The following SH3RF2 variants were observed in gnomAD, a reference collection of about 807,000 sequenced individuals.
SH3RF2 encodes the protein E3 ubiquitin-protein ligase SH3RF2.
Under a neutral mutation model 59.0 loss-of-function variants are expected in SH3RF2, and 43 were observed. The observed-to-expected ratio is 0.73, with a 90% CI of 0.57 to 0.94. The LOEUF is 0.94. Among genes scored for constraint, SH3RF2 ranks in the 40% least tolerant of loss-of-function variants. SH3RF2 has a pLI of 0.00. For synonymous variants in SH3RF2, 391 were observed against 391.5 expected (o/e 1.00, Z 0.01); for missense variants, 930 against 940.1 (o/e 0.99, Z 0.14).
At chr5:145,941,350 G>T (rs1757809339) in intron 2 of SH3RF2, among the ~76,000 whole-genome samples, 1 of 152,126 alleles carries the variant, frequency 6.6e-6, no homozygotes, top group African/African-American at 2.4e-5. Context: ...TGCCTATTGT[G>T]CCTACATGTC....
chr5:146,049,329 C>A, intron 7 of SH3RF2, 84 bp downstream of exon 7: 1 of 1,457,980 alleles, frequency 6.9e-7, no homozygotes, highest in East Asian at 2.3e-5. Context: ...GTGGAAGACC[C>A]AGTGCTCTTT....
At chr5:145,980,427 A>T (rs1759465943) in intron 2 of SH3RF2, among the ~76,000 whole-genome samples, 2 of 152,150 alleles carry the variant, frequency 1.3e-5, no homozygotes, top group African/African-American at 4.8e-5. Context: ...AGTCCACCCC[A>T]ATCTATCTCA....
chr5:145,962,315 TATCTC>T (rs1388571459), intron 2 of SH3RF2, among the ~76,000 whole-genome samples: 4 of 152,162 alleles, frequency 2.6e-5, no homozygotes, highest in African/African-American at 9.7e-5. Flanking sequence ...GTGCGACAAA[TATCTC>T]AGTAAGAAAA....
intron 4 of SH3RF2, among the ~76,000 whole-genome samples, chr5:146,010,594 C>G (rs1760841772): frequency 6.6e-6 from 1 of 152,162 alleles, no homozygotes; most frequent in African/African-American, 2.4e-5. Context: ...GATGGTATCT[C>G]ATTGTGGTTT....
intron 2 of SH3RF2, among the ~76,000 whole-genome samples, chr5:145,962,835 T>C (rs1038449106): frequency 4.6e-5 from 7 of 151,994 alleles, no homozygotes; most frequent in African/African-American, 1.7e-4. Context: ...ATTTCTTATC[T>C]GTTTCTCCTT....
chr5:146,055,067 T>C (rs1191395430), intron 7 of SH3RF2, among the ~76,000 whole-genome samples: 5 of 152,248 alleles, frequency 3.3e-5, no homozygotes, highest in African/African-American at 1.2e-4. Context: ...GATTGTTGTT[T>C]CATAAAACTT....
At chr5:146,067,999 C>G (rs1286884576), downstream of SH3RF2, among the ~76,000 whole-genome samples, 1 of 152,224 alleles carries the variant, frequency 6.6e-6, no homozygotes, top group Non-Finnish European at 1.5e-5. Flanking sequence ...AAGAGCTCTG[C>G]TAACAAGCCC....
rs1488110742 is a variant in SH3RF2 at position 146,062,887 on chromosome 5, G to A, written c.*186G>A. On this transcript the variant is annotated 3_prime_UTR_variant, in exon 10 of 10. Transcript: ENST00000359120. ...CCCTGGGTGGGAGGATAGATGGCGT[G>A]GCCTTCCAAACATACAAACATAATG... 6.9e-6 allele frequency: 5 copies of A among 728,928 alleles called. No individual in the cohort carries two copies. The Admixed American group carries it at 1.2e-4, about 17-fold the overall frequency. The allele number at this position is 728,928 out of a possible 1,614,324, so 45.2% of individuals were successfully genotyped here.
At chr5:146,039,848 C>T (rs1440617202) in intron 5 of SH3RF2, among the ~76,000 whole-genome samples, 3 of 152,074 alleles carry the variant, frequency 2.0e-5, no homozygotes, top group Admixed American at 6.5e-5. Context: ...TGAAAATTGC[C>T]CAAATGACAC....
intron 2 of SH3RF2, among the ~76,000 whole-genome samples, chr5:145,996,273 G>C (rs1160254956): frequency 1.3e-5 from 2 of 152,168 alleles, no homozygotes; most frequent in African/African-American, 4.8e-5. Context: ...TGAACAGCAA[G>C]ACTGCTACAA....
At chr5:146,029,215 G>A (rs1437989359) in intron 5 of SH3RF2, among the ~76,000 whole-genome samples, 2 of 152,188 alleles carry the variant, frequency 1.3e-5, no homozygotes, top group African/African-American at 4.8e-5. Flanking sequence ...GAGACTCAGA[G>A]AGGCTAAGTA....
At chr5:146,007,151 G>A (rs2149988568) in intron 4 of SH3RF2, among the ~76,000 whole-genome samples, 1 of 152,328 alleles carries the variant, frequency 6.6e-6, no homozygotes, top group East Asian at 1.9e-4. Flanking sequence ...AGAAGCCATT[G>A]AAAGGTTTTT....
chr5:146,003,195 T>A (rs1323896131), intron 3 of SH3RF2, among the ~76,000 whole-genome samples: 1 of 152,212 alleles, frequency 6.6e-6, no homozygotes, highest in Non-Finnish European at 1.5e-5. Context: ...TATGGCTTCA[T>A]CTGTGTGAGG....
intron 2 of SH3RF2, among the ~76,000 whole-genome samples, chr5:145,976,394 T>A (rs1221947651): frequency 6.8e-6 from 1 of 147,286 alleles, no homozygotes; most frequent in African/African-American, 2.5e-5. Context: ...ACAAACTCAA[T>A]AAATGATGAC....
chr5:146,047,501 G>A (rs527894381), intron 5 of SH3RF2, among the ~76,000 whole-genome samples: 41 of 152,208 alleles, frequency 2.7e-4, no homozygotes, highest in African/African-American at 9.4e-4. Context: ...CCTGTGGACT[G>A]TAAATTGGAC....
At chr5:146,010,784 T>C (rs1236875527) in intron 4 of SH3RF2, among the ~76,000 whole-genome samples, 1 of 152,212 alleles carries the variant, frequency 6.6e-6, no homozygotes, top group Non-Finnish European at 1.5e-5. Flanking sequence ...TATTAGCCCT[T>C]TGTCAGATGA....
chr5:146,047,774 C>T lies in SH3RF2; in HGVS notation c.1062C>T (p.Val354=). The T allele has an allele frequency of 6.2e-7, 1 of 1,614,048 alleles. No homozygotes were observed. Among genetic ancestry groups the T allele is most frequent in the South Asian group, 1.1e-5 (1 of 91,076 alleles). The change falls in exon 6 of 10, where the codon GTC becomes GTT. Residue 354 remains valine, a splice_region_variant and synonymous_variant. Transcript: ENST00000359120. ...GGCTGTCTTTTCTGTCTGTGCAGGTCAGCACTTATCACCCCGCACCTGTCT... is the reference window on the plus strand; with the variant it reads ...GGCTGTCTTTTCTGTCTGTGCAGGTTAGCACTTATCACCCCGCACCTGTCT... The part of the protein sequence containing the change: ...ADVPSSCVGQ[V]STYHPAPVSP...
At chr5:145,947,192 TTTAAA>T (rs1758032533) in intron 2 of SH3RF2, among the ~76,000 whole-genome samples, 1 of 149,550 alleles carries the variant, frequency 6.7e-6, no homozygotes, top group South Asian at 2.1e-4. Context: ...ATTATATATA[TTTAAA>T]TTATTTCTGA....
At chr5:146,053,654 T>C (rs248780) in intron 7 of SH3RF2, among the ~76,000 whole-genome samples, 55,135 of 151,992 alleles carry the variant, frequency 0.36, 10,228 homozygotes, top group Non-Finnish European at 0.38. Flanking sequence ...TCCCTGTAGC[T>C]TCCTTGGATC....
Sources: gnomAD v4.1 joint callset for allele counts (sites outside exome capture counted in the v4.1 genomes callset) on GRCh38, gnomAD v4.1.1 for gene constraint, MANE v1.5 for transcripts, NCBI Gene and HGNC (gene_info 2026-07-23, HGNC 2026-07-21) for gene names.